Variants in MAPK8 observed in about 807,000 individuals in gnomAD.
MAPK8 encodes JUN N-terminal kinase.
In MAPK8, 13 loss-of-function variants were observed where a neutral mutation model predicts 52.9. The observed-to-expected ratio is 0.25, with a 90% CI of 0.16 to 0.39. MAPK8 has a LOEUF of 0.39. Ranked by LOEUF, MAPK8 falls within the 10% of genes least tolerant of loss-of-function variation. MAPK8 has a pLI of 1.00. For missense variants in MAPK8, 300 were observed against 519.2 expected (o/e 0.58, Z 4.10); for synonymous variants, 191 against 169.8 (o/e 1.12, Z -0.97).
chr10:48,374,610 C>T (rs567926596), intron 1 of MAPK8, among the ~76,000 whole-genome samples: 5 of 152,296 alleles, frequency 3.3e-5, no homozygotes, highest in Non-Finnish European at 7.4e-5. Context: ...CTATAAACAC[C>T]TCTATGCAAA....
intron 5 of MAPK8, among the ~76,000 whole-genome samples, chr10:48,413,648 C>G (rs2042880329): frequency 6.6e-6 from 1 of 151,520 alleles, no homozygotes; most frequent in South Asian, 2.1e-4. Context: ...TGCCTCTCAT[C>G]AAATTCTTAG....
chr10:48,402,554 T>C (rs533340862), intron 2 of MAPK8, among the ~76,000 whole-genome samples: 17 of 152,354 alleles, frequency 1.1e-4, no homozygotes, highest in African/African-American at 3.8e-4. Flanking sequence ...GATCACTCTT[T>C]GGGATAGTTC....
intron 1 of MAPK8, among the ~76,000 whole-genome samples, chr10:48,338,963 T>C (rs947746949): frequency 6.6e-6 from 1 of 152,112 alleles, no homozygotes; most frequent in Non-Finnish European, 1.5e-5. Context: ...AAACGTCCCA[T>C]GCTTGTAGAT....
chr10:48,372,214 G>A (rs2040371713), intron 1 of MAPK8, among the ~76,000 whole-genome samples: 1 of 152,002 alleles, frequency 6.6e-6, no homozygotes, highest in Non-Finnish European at 1.5e-5. Context: ...AAACAGAAAG[G>A]AATAGTACCA....
intron 3 of MAPK8, among the ~76,000 whole-genome samples, chr10:48,405,644 AT>A (rs1230309874): frequency 4.6e-5 from 7 of 152,292 alleles, no homozygotes; most frequent in African/African-American, 1.4e-4. Flanking sequence ...TACTTTTGTG[AT>A]TGTTCTAATG....
At chr10:48,415,699 C>T (rs1157959109) in intron 5 of MAPK8, among the ~76,000 whole-genome samples, 2 of 151,962 alleles carry the variant, frequency 1.3e-5, no homozygotes, top group African/African-American at 2.4e-5. Flanking sequence ...AGGAAGTGTT[C>T]CTCTCTGAGA....
chr10:48,394,044 GC>G (rs2041764637), intron 1 of MAPK8, among the ~76,000 whole-genome samples: 1 of 151,824 alleles, frequency 6.6e-6, no homozygotes, highest in African/African-American at 2.4e-5. Context: ...TATTAAATGA[GC>G]AATTTCCTTG....
At chr10:48,326,710 A>G (rs1025691672) in intron 1 of MAPK8, among the ~76,000 whole-genome samples, 3 of 152,224 alleles carry the variant, frequency 2.0e-5, no homozygotes, top group Non-Finnish European at 2.9e-5. Flanking sequence ...ATCTGTATCT[A>G]TATAAGCTAA....
chr10:48,321,369 A>C (rs1842984192), intron 1 of MAPK8, among the ~76,000 whole-genome samples: 1 of 152,070 alleles, frequency 6.6e-6, no homozygotes, highest in Non-Finnish European at 1.5e-5. Context: ...TACAAACATG[A>C]GCTTCCTTGC....
intron 1 of MAPK8, among the ~76,000 whole-genome samples, chr10:48,336,481 G>A (rs910267861): frequency 2.6e-5 from 4 of 152,152 alleles, no homozygotes; most frequent in Non-Finnish European, 4.4e-5. Context: ...GTTTTGGAAT[G>A]TCTGTGTTGT....
chr10:48,433,116 T>C (rs7085678), intron 11 of MAPK8, among the ~76,000 whole-genome samples: 146,758 of 152,300 alleles, frequency 0.96, 70,891 homozygotes, highest in East Asian at 1. Context: ...GAATGACCCA[T>C]GTGAGACTAA....
chr10:48,319,048 C>G (rs1842753896), intron 1 of MAPK8, among the ~76,000 whole-genome samples: 1 of 152,148 alleles, frequency 6.6e-6, no homozygotes, highest in African/African-American at 2.4e-5. Flanking sequence ...AGTCCTGATA[C>G]AGGAGATGGT....
At chr10:48,421,178 G>C (rs1055856700) in intron 6 of MAPK8, among the ~76,000 whole-genome samples, 1 of 152,162 alleles carries the variant, frequency 6.6e-6, no homozygotes, top group Admixed American at 6.5e-5. Context: ...TCAGGAAATT[G>C]TAATAAGTCA....
intron 5 of MAPK8, 70 bp from the exon 6 acceptor site, chr10:48,420,085 A>G: frequency 8.6e-7 from 1 of 1,167,324 alleles, no homozygotes; most frequent in Non-Finnish European, 1.2e-6. Context: ...GGGATAGTAT[A>G]ACTTTATTGT....
Position 48,310,767 on chromosome 10 carries a change from G to T in MAPK8, c.-50+3946G>T, listed in dbSNP as rs1016332465. Among the ~76,000 whole-genome samples, 3 of 151,084 alleles carry T rather than the reference G, an allele frequency of 2.0e-5. No individual in the cohort carries two copies. In the East Asian group the frequency reaches 5.8e-4, roughly 29 times the overall value. ...TGTGTGTGTGTGTATGTGTGTATAC[G>T]TATGTGCATGGAGAGAGACAGAGAG... On this transcript the variant is annotated intron_variant, in intron 1 of 11. Coordinates refer to ENST00000374189, the MANE Select transcript of MAPK8 (RefSeq NM_001323329.2).
At chr10:48,376,069 C>G (rs1792926950) in intron 1 of MAPK8, among the ~76,000 whole-genome samples, 1 of 152,144 alleles carries the variant, frequency 6.6e-6, no homozygotes. Flanking sequence ...GAACAGCAGC[C>G]TCAGAAATAA....
rs143858698 is a variant in MAPK8 at position 48,433,376 on chromosome 10, A to C, written c.1139-1508A>C. ...TTGAATGTTTCAGTACAAGTCTTAG[A>C]AACTAGTCATTGTGTACTATGTATG... On this transcript the variant is annotated intron_variant, in intron 11 of 11. Transcript: ENST00000374189. 4.7e-4 allele frequency among the ~76,000 whole-genome samples: 71 copies of C among 152,336 alleles called. No individual in the cohort carries two copies. The East Asian group carries it at 8.5e-3, about 18-fold the overall frequency.
At chr10:48,346,750 G>A (rs1008040379) in intron 1 of MAPK8, among the ~76,000 whole-genome samples, 11 of 152,196 alleles carry the variant, frequency 7.2e-5, no homozygotes, top group African/African-American at 2.7e-4. Flanking sequence ...CTTCCAGATA[G>A]CAGTAGTAAA....
chr10:48,400,511 T>G (rs1350777946), intron 1 of MAPK8, among the ~76,000 whole-genome samples: 1 of 152,196 alleles, frequency 6.6e-6, no homozygotes, highest in Non-Finnish European at 1.5e-5. Context: ...ACAATCTACA[T>G]GTCGCAGCCA....
Sources: allele counts gnomAD v4.1 joint callset (sites outside exome capture counted in the v4.1 genomes callset), GRCh38; gene constraint gnomAD v4.1.1; transcripts MANE v1.5; gene names NCBI Gene and HGNC (gene_info 2026-07-23, HGNC 2026-07-21).